HDAC9: variants seen among roughly 807,000 people sequenced by gnomAD.
The protein encoded by HDAC9 is histone deacetylase 9.
HDAC9 carries 41 observed loss-of-function variants against 139.4 expected under a neutral mutation model. The observed-to-expected ratio is 0.29, with a 90% CI of 0.23 to 0.38. The LOEUF (loss-of-function observed/expected upper bound fraction) is 0.38, where lower values mean the gene tolerates loss of function less well. Ranked by LOEUF, HDAC9 falls within the 10% of genes least tolerant of loss-of-function variation. HDAC9 has a pLI of 1.00. For missense variants in HDAC9, 1,147 were observed against 1,297.0 expected (o/e 0.88, Z 1.78); for synonymous variants, 517 against 476.2 (o/e 1.09, Z -1.12).
intron 6 of HDAC9, among the ~76,000 whole-genome samples, chr7:18,625,985 A>C (rs1841601148): frequency 6.8e-6 from 1 of 147,524 alleles, no homozygotes; most frequent in Admixed American, 6.7e-5. Flanking sequence ...GATATGTAGG[A>C]CTATATTAAT....
intron 2 of HDAC9, among the ~76,000 whole-genome samples, chr7:18,538,656 A>G (rs1434639875): frequency 6.6e-6 from 1 of 152,248 alleles, no homozygotes; most frequent in East Asian, 1.9e-4. Flanking sequence ...TGATAGGGGT[A>G]TGGATAAATT....
chr7:18,720,716 C>G (rs1037747233), intron 12 of HDAC9, among the ~76,000 whole-genome samples: 1 of 148,820 alleles, frequency 6.7e-6, no homozygotes, highest in African/African-American at 2.5e-5. Context: ...GAGTTTCGCT[C>G]TGTCACTCAG....
At chr7:18,396,692 A>T (rs999904780) in intron 1 of HDAC9, among the ~76,000 whole-genome samples, 1 of 152,156 alleles carries the variant, frequency 6.6e-6, no homozygotes, top group African/African-American at 2.4e-5. Context: ...CCAGGCTTAA[A>T]AATTCCAGGT....
chr7:18,217,345 C>A (rs975525621), intron 2 of HDAC9, among the ~76,000 whole-genome samples: 1 of 151,908 alleles, frequency 6.6e-6, no homozygotes, highest in Non-Finnish European at 1.5e-5. Context: ...TCTCCAAATA[C>A]TTTTGGCTTT....
At chr7:18,298,379 A>G (rs574502317) in intron 1 of HDAC9, among the ~76,000 whole-genome samples, 3 of 151,674 alleles carry the variant, frequency 2.0e-5, no homozygotes, top group Non-Finnish European at 4.4e-5. Flanking sequence ...CTGGTGCGCT[A>G]CACCCAGTAA....
intron 6 of HDAC9, among the ~76,000 whole-genome samples, chr7:18,624,238 T>C (rs781319148): frequency 1.1e-4 from 17 of 152,184 alleles, no homozygotes; most frequent in Non-Finnish European, 2.2e-4. Flanking sequence ...TTGTGTACCA[T>C]GGAGACTAGT....
At chr7:18,192,597 T>C (rs1790432045) in intron 2 of HDAC9, among the ~76,000 whole-genome samples, 1 of 151,472 alleles carries the variant, frequency 6.6e-6, no homozygotes, top group Non-Finnish European at 1.5e-5. Context: ...GGAAATGTCA[T>C]TAAGGATATA....
At chr7:18,973,530 T>C (rs866564506) in intron 24 of HDAC9, among the ~76,000 whole-genome samples, 3 of 152,170 alleles carry the variant, frequency 2.0e-5, no homozygotes, top group Non-Finnish European at 4.4e-5. Context: ...CTTGTTGACA[T>C]GGAAAGTGGG....
intron 1 of HDAC9, among the ~76,000 whole-genome samples, chr7:18,395,788 C>T (rs974128726): frequency 2.6e-5 from 4 of 152,126 alleles, no homozygotes; most frequent in African/African-American, 9.6e-5. Context: ...TCAGAGAAAG[C>T]CTAAAGCCTT....
At chr7:18,454,121 G>C (rs1793132425) in intron 1 of HDAC9, among the ~76,000 whole-genome samples, 1 of 151,968 alleles carries the variant, frequency 6.6e-6, no homozygotes, top group African/African-American at 2.4e-5. Flanking sequence ...ATTACTAAAA[G>C]CCAGCTTAGA....
chr7:18,508,919 C>G (rs1487105132), intron 2 of HDAC9, among the ~76,000 whole-genome samples: 1 of 152,116 alleles, frequency 6.6e-6, no homozygotes, highest in East Asian at 1.9e-4. Context: ...ATCATAACTT[C>G]CCAAGAAAAT....
chr7:18,992,291 A>G (rs537481600), intron 25 of HDAC9, among the ~76,000 whole-genome samples: 1 of 152,346 alleles, frequency 6.6e-6, no homozygotes, highest in East Asian at 1.9e-4. Flanking sequence ...AATGTGGTGG[A>G]TGCACTGTAT....
At chr7:18,330,950 A>G (rs1020553409) in intron 1 of HDAC9, among the ~76,000 whole-genome samples, 1 of 151,736 alleles carries the variant, frequency 6.6e-6, no homozygotes, top group African/African-American at 2.4e-5. Context: ...AGAATCAGGG[A>G]AATTTTAGAT....
At chr7:18,198,708 T>C (rs1007454424) in intron 2 of HDAC9, among the ~76,000 whole-genome samples, 1 of 152,200 alleles carries the variant, frequency 6.6e-6, no homozygotes, top group African/African-American at 2.4e-5. Context: ...ATTTGAAATA[T>C]GGTGAATTTC....
chr7:18,287,524 G>A (rs760279452), upstream of HDAC9, among the ~76,000 whole-genome samples: 21 of 152,178 alleles, frequency 1.4e-4, no homozygotes, highest in Non-Finnish European at 2.5e-4. Flanking sequence ...TAAAAAGGAG[G>A]TTTCACATAA....
chr7:18,458,940 G>A, intron 1 of HDAC9: 1 of 1,408,648 alleles, frequency 7.1e-7, no homozygotes, highest in Non-Finnish European at 9.7e-7. Context: ...GGTTTCTTGG[G>A]AGTAGAGCTG....
intron 2 of HDAC9, among the ~76,000 whole-genome samples, chr7:18,264,389 A>G (rs1043243323): frequency 1.3e-5 from 2 of 152,204 alleles, no homozygotes; most frequent in Admixed American, 1.3e-4. Context: ...TCTCAAATAT[A>G]TGGGAATTAA....
chr7:18,909,607 A>G (rs1053879675), intron 22 of HDAC9, among the ~76,000 whole-genome samples: 21 of 151,970 alleles, frequency 1.4e-4, no homozygotes, highest in Admixed American at 6.6e-5. Flanking sequence ...TGTTCTTCAT[A>G]TGGATATTCA....
At chr7:18,906,722 C>A (rs1002201952) in intron 22 of HDAC9, among the ~76,000 whole-genome samples, 2 of 152,150 alleles carry the variant, frequency 1.3e-5, no homozygotes, top group African/African-American at 4.8e-5. Context: ...CAAATAGATT[C>A]AACTAACCTG....
Sources: gnomAD v4.1 joint callset for allele counts (sites outside exome capture counted in the v4.1 genomes callset) on GRCh38, gnomAD v4.1.1 for gene constraint, MANE v1.5 for transcripts, NCBI Gene and HGNC (gene_info 2026-07-23, HGNC 2026-07-21) for gene names.